The following UNK variants were observed in gnomAD, a reference collection of about 807,000 sequenced individuals.
UNK encodes unk zinc finger.
In UNK, 32 loss-of-function variants were observed where a neutral mutation model predicts 97.6. The observed-to-expected ratio is 0.33, with a 90% CI of 0.25 to 0.44. UNK has a LOEUF of 0.44. Among genes scored for constraint, UNK ranks in the 20% least tolerant of loss-of-function variants. The pLI is 1.00. For synonymous variants in UNK, 441 were observed against 461.2 expected, an observed-to-expected ratio of 0.96 and a Z score of 0.56; for missense variants, 771 against 1,098.4, an observed-to-expected ratio of 0.70 and a Z score of 4.21.
chr17:75,817,607 G>A lies in UNK; in HGVS notation c.1305+81G>A. ...AATCTTGGAGGAGTGTCTTGGTCCA[G>A]CTACGGGGAGGATGACTGGGAGCTA... On this transcript the variant is annotated intron_variant, in intron 9 of 15. Coordinates refer to ENST00000589666, the MANE Select transcript of UNK (RefSeq NM_001080419.3). This position sits in a 1 kb window ranked among gnomAD's most constrained non-coding sequence, Gnocchi z 5.8. 7.1e-7 allele frequency: 1 copy of A among 1,413,352 alleles called. No homozygotes were observed. The highest frequency in any genetic ancestry group is 1.4e-5 in the South Asian group (1 of 71,838). 87.6% of individuals were successfully genotyped at this position (1,413,352 alleles called of 1,614,324 possible).
Position 75,822,625 on chromosome 17 carries a change from G to A in UNK, c.1986G>A (p.Lys662=), listed in dbSNP as rs374405799. ...QELDEANSTI[K]QWEESWKQAK... ...TGGATGAAGCCAACAGCACCATCAA[G>A]CAGTGGGAGGAGTCCTGGAAGCAGG... The change falls in exon 14 of 16, where the codon AAG becomes AAA. Residue 662 remains lysine, a synonymous_variant. Transcript: ENST00000589666. The A allele has an allele frequency of 6.2e-7, 1 of 1,612,090 alleles. No homozygotes were observed. The highest frequency in any genetic ancestry group is 1.3e-5 in the African/African-American group (1 of 75,050).
rs752034682 is a variant in UNK, at chr17:75,819,757, A to G, written c.1620A>G (p.Thr540=). ...AALEKTFDNS[T]VPHPGSITIG... is the part of the protein sequence containing the mutation. ...TGGAGAAGACTTTCGATAACAGCAC[A>G]GTGCCCCACCCAGGAAGCATCACCA... The change falls in exon 12 of 16, where the codon ACA becomes ACG. Residue 540 remains threonine, a synonymous_variant. Coordinates refer to ENST00000589666, the MANE Select transcript of UNK (RefSeq NM_001080419.3). The surrounding 1 kb of genome is among the most constrained non-coding windows in gnomAD (Gnocchi z 5.4). The G allele has an allele frequency of 6.2e-7, 1 of 1,613,894 alleles. No homozygotes were observed. Among genetic ancestry groups the G allele is most frequent in the Non-Finnish European group, 8.5e-7 (1 of 1,179,892 alleles).
intron 1 of UNK, among the ~76,000 whole-genome samples, chr17:75,801,939 C>A (rs2061863567): frequency 1.3e-5 from 2 of 151,656 alleles, no homozygotes; most frequent in East Asian, 3.9e-4. Flanking sequence ...CCTCAACTTC[C>A]CTGGTTCAAG....
At chr17:75,800,404 G>A (rs1361853599) in intron 1 of UNK, among the ~76,000 whole-genome samples, 2 of 151,102 alleles carry the variant, frequency 1.3e-5, no homozygotes, top group Non-Finnish European at 2.9e-5. Flanking sequence ...AAGATATTTC[G>A]TGATGTGACG....
intron 1 of UNK, among the ~76,000 whole-genome samples, chr17:75,802,161 C>G (rs1362977087): frequency 7.0e-6 from 1 of 142,782 alleles, no homozygotes; most frequent in Non-Finnish European, 1.5e-5. Flanking sequence ...AAATTTTTTT[C>G]TGACCATTGC....
chr17:75,793,443 T>C, intron 1 of UNK: 1 of 985,364 alleles, frequency 1.0e-6, no homozygotes. Context: ...TCTTTGCCAG[T>C]GTGTAGAATT....
Position 75,817,170 on chromosome 17 carries a change from G to A in UNK, c.1105-156G>A, listed in dbSNP as rs919882076. On this transcript the variant is annotated intron_variant, in intron 8 of 15. Coordinates refer to ENST00000589666, the MANE Select transcript of UNK (RefSeq NM_001080419.3). This position sits in a 1 kb window ranked among gnomAD's most constrained non-coding sequence, Gnocchi z 5.8. Reference sequence around the variant, plus strand: ...GCCTGAGGTCACTCCCCTTTCCTTCGTGAGCTTCGGGCTCCCCGAGTGGTC... The same window carrying A: ...GCCTGAGGTCACTCCCCTTTCCTTCATGAGCTTCGGGCTCCCCGAGTGGTC... Among the ~76,000 whole-genome samples, 8 of 151,128 alleles carry A rather than the reference G, an allele frequency of 5.3e-5. No homozygotes were observed. The highest frequency in any genetic ancestry group is 1.2e-4 in the Non-Finnish European group (8 of 67,668).
chr17:75,807,541 C>T (rs1363749203), intron 1 of UNK, among the ~76,000 whole-genome samples: 2 of 152,236 alleles, frequency 1.3e-5, no homozygotes, highest in African/African-American at 2.4e-5. Context: ...CTGCAACCTC[C>T]GCCTCCTGGG....
intron 1 of UNK, chr17:75,809,073 A>G (rs1213930763): frequency 2.4e-5 from 2 of 84,978 alleles, no homozygotes; most frequent in African/African-American, 4.6e-5. Flanking sequence ...TGGGGACAGA[A>G]CAGGCTGGAG....
chr17:75,794,250 T>C (rs1272461540), intron 1 of UNK: 3 of 832,810 alleles, frequency 3.6e-6, no homozygotes, highest in Non-Finnish European at 4.3e-6. Context: ...AGTTATGGCC[T>C]GTCCGAAACT....
intron 1 of UNK, among the ~76,000 whole-genome samples, chr17:75,805,812 G>C (rs1262326851): frequency 1.1e-5 from 1 of 89,066 alleles, no homozygotes. Context: ...AAAGAAAAAT[G>C]TGTGTGTGTG....
In UNK at chr17:75,818,599, T is replaced by G. The variant is rs966186334; in HGVS notation, c.1372-43T>G. On this transcript the variant is annotated intron_variant, in intron 10 of 15. Transcript: ENST00000589666. The surrounding 1 kb of genome is among the most constrained non-coding windows in gnomAD (Gnocchi z 5.1). ...CCAGCCTCTCGTCCTGGCCTCCGTA[T>G]GCAGGCCTACCATTGCTTCTCCTCT... is the stretch of plus-strand genomic sequence containing the variant. 1 of 1,548,680 alleles carries G rather than the reference T, an allele frequency of 6.5e-7. No individual in the cohort carries two copies. Among genetic ancestry groups the G allele is most frequent in the Admixed American group, 1.9e-5 (1 of 53,214 alleles).
rs143760272 is a variant in UNK, at chr17:75,809,311, C to T, written c.105-449C>T. Among the ~76,000 whole-genome samples, 15 of 152,320 alleles carry T rather than the reference C, an allele frequency of 9.8e-5. 1 individual carries two copies. In the East Asian group the frequency reaches 2.9e-3, roughly 29 times the overall value. On this transcript the variant is annotated intron_variant, in intron 1 of 15. Transcript: ENST00000589666. Reference sequence around the variant, plus strand: ...TATCTGTAGATTTCTCCTCTCAGCCCACAGCCCCAGCTCATGGTACAGGCA... The same window carrying T: ...TATCTGTAGATTTCTCCTCTCAGCCTACAGCCCCAGCTCATGGTACAGGCA...
At chr17:75,797,126 C>T (rs2061813046) in intron 1 of UNK, among the ~76,000 whole-genome samples, 1 of 152,168 alleles carries the variant, frequency 6.6e-6, no homozygotes, top group Non-Finnish European at 1.5e-5. Context: ...GTTGCAGAAT[C>T]CTATCATATT....
At chr17:75,811,143 G>T (rs1342042826) in intron 2 of UNK, among the ~76,000 whole-genome samples, 1 of 151,946 alleles carries the variant, frequency 6.6e-6, no homozygotes, top group African/African-American at 2.4e-5. Flanking sequence ...TAGAGACGGG[G>T]TTTTGCCATG....
intron 1 of UNK, among the ~76,000 whole-genome samples, chr17:75,790,263 C>T (rs543710908): frequency 7.2e-5 from 11 of 152,124 alleles, no homozygotes; most frequent in African/African-American, 2.2e-4. Flanking sequence ...CGCCACTGCC[C>T]TCCAGCCTGG....
chr17:75,810,005 G>T, intron 2 of UNK, 36 bp downstream of exon 2: 1 of 1,609,542 alleles, frequency 6.2e-7, no homozygotes, highest in Non-Finnish European at 8.5e-7. Flanking sequence ...GGAGCCCCGT[G>T]TCTCCTTCTG....
chr17:75,799,746 C>G (rs2061838659), intron 1 of UNK, among the ~76,000 whole-genome samples: 1 of 152,126 alleles, frequency 6.6e-6, no homozygotes, highest in Non-Finnish European at 1.5e-5. Flanking sequence ...CGGGGGCAGG[C>G]AGGGCCAGGG....
At chr17:75,806,102 CAAAA>C (rs112228363) in intron 1 of UNK, among the ~76,000 whole-genome samples, 7 of 68,456 alleles carry the variant, frequency 1.0e-4, no homozygotes, top group Non-Finnish European at 6.6e-5. Context: ...GACTCCGTCT[CAAAA>C]AAAAAAAAAA....
Sources: gnomAD v4.1 joint callset for allele counts (sites outside exome capture counted in the v4.1 genomes callset) on GRCh38, gnomAD v4.1.1 for gene constraint, Gnocchi (gnomAD v3.1) non-coding constraint, MANE v1.5 for transcripts, NCBI Gene and HGNC (gene_info 2026-07-23, HGNC 2026-07-21) for gene names.